Variants in DNAH14 observed in about 807,000 individuals in gnomAD.
DNAH14 encodes axonemal beta dynein heavy chain 14.
DNAH14 carries 478 observed loss-of-function variants against 520.9 expected under a neutral mutation model. The ratio of observed to expected loss-of-function variants is 0.92; its 90% CI spans 0.85 to 0.99. DNAH14 has a LOEUF of 0.99. Ranked by LOEUF, DNAH14 falls within the 50% of genes least tolerant of loss-of-function variation. DNAH14 has a pLI of 0.00. For synonymous variants in DNAH14, 1,581 were observed against 1,757.2 expected (o/e 0.90, Z 2.51); for missense variants, 4,831 against 5,234.5 (o/e 0.92, Z 2.38).
At chr1:225,201,604 G>T (rs2086830359) in intron 38 of DNAH14, among the ~76,000 whole-genome samples, 1 of 152,118 alleles carries the variant, frequency 6.6e-6, no homozygotes, top group Non-Finnish European at 1.5e-5. Context: ...GTGGCTTGCT[G>T]AGAGCCAAGC....
chr1:224,951,644 A>ATTTTTTTT (rs67437504), intron 1 of DNAH14, among the ~76,000 whole-genome samples: 6 of 80,154 alleles, frequency 7.5e-5, no homozygotes, highest in Non-Finnish European at 1.4e-4. Context: ...AGATTTCTGG[A>ATTTTTTTT]TTTTTTTTTT....
intron 52 of DNAH14, among the ~76,000 whole-genome samples, chr1:225,274,197 A>ATTTT (rs869247051): frequency 5.4e-4 from 50 of 92,876 alleles, no homozygotes; most frequent in Non-Finnish European, 6.3e-4. Context: ...AGCATCTGTT[A>ATTTT]TTTTTTTTTT....
intron 37 of DNAH14, among the ~76,000 whole-genome samples, chr1:225,185,658 G>A (rs2084612081): frequency 2.0e-5 from 3 of 151,652 alleles, no homozygotes; most frequent in Admixed American, 2.0e-4. Context: ...CTTAATAAAT[G>A]AACTTTTAAT....
intron 17 of DNAH14, among the ~76,000 whole-genome samples, chr1:225,078,825 C>A (rs7542761): frequency 2.5e-4 from 4 of 15,734 alleles, no homozygotes; most frequent in African/African-American, 3.4e-4. Flanking sequence ...TCTCTCTCTC[C>A]CTCTCTCTCT....
intron 34 of DNAH14, among the ~76,000 whole-genome samples, chr1:225,156,706 A>ATTTTTT (rs1553483258): frequency 1.9e-5 from 2 of 106,766 alleles, no homozygotes; most frequent in African/African-American, 4.1e-5. Flanking sequence ...TCCTCTTAAA[A>ATTTTTT]TTCTTTTTTT....
At chr1:225,122,851 A>G (rs1389902419) in intron 26 of DNAH14, among the ~76,000 whole-genome samples, 3 of 152,208 alleles carry the variant, frequency 2.0e-5, no homozygotes, top group African/African-American at 7.2e-5. Flanking sequence ...CATTTCAAAT[A>G]TTCAAATACA....
intron 21 of DNAH14, among the ~76,000 whole-genome samples, chr1:225,095,933 G>C (rs2074923839): frequency 6.6e-6 from 1 of 152,078 alleles, no homozygotes; most frequent in Non-Finnish European, 1.5e-5. Context: ...TTCACAGGTA[G>C]AACATGTTAA....
chr1:224,981,517 G>C (rs1431557861), intron 8 of DNAH14, among the ~76,000 whole-genome samples: 1 of 151,988 alleles, frequency 6.6e-6, no homozygotes, highest in Admixed American at 6.6e-5. Flanking sequence ...AAGCTAGAAG[G>C]GTTGTATTTT....
chr1:225,197,345 G>T (rs919237631), intron 38 of DNAH14, among the ~76,000 whole-genome samples: 2 of 151,986 alleles, frequency 1.3e-5, no homozygotes, highest in Non-Finnish European at 2.9e-5. Context: ...AATATCAGTT[G>T]ACTGTAAGTA....
At chr1:224,941,436 T>C (rs1419662745) in intron 1 of DNAH14, among the ~76,000 whole-genome samples, 1 of 152,204 alleles carries the variant, frequency 6.6e-6, no homozygotes, top group Non-Finnish European at 1.5e-5. Flanking sequence ...GTCAGATGAG[T>C]AGATTGCAAA....
chr1:224,951,842 G>A (rs565789267), intron 1 of DNAH14, among the ~76,000 whole-genome samples: 1 of 151,842 alleles, frequency 6.6e-6, no homozygotes, highest in Non-Finnish European at 1.5e-5. Flanking sequence ...TAGTAGAGAC[G>A]GGGTTTCACC....
At chr1:225,148,938 CTTTAG>C (rs1459905526) in intron 31 of DNAH14, among the ~76,000 whole-genome samples, 1 of 152,076 alleles carries the variant, frequency 6.6e-6, no homozygotes, top group African/African-American at 2.4e-5. Context: ...TGCAGAAACT[CTTTAG>C]TTTAACTAGA....
At chr1:225,162,552 G>GT in intron 35 of DNAH14, among the ~76,000 whole-genome samples, 1 of 152,086 alleles carries the variant, frequency 6.6e-6, no homozygotes, top group Non-Finnish European at 1.5e-5. Context: ...TTTTAGAATT[G>GT]TTTTTTCTAT....
chr1:224,950,995 T>C (rs2501065), intron 1 of DNAH14, among the ~76,000 whole-genome samples: 14,583 of 152,242 alleles, frequency 0.096, 2,254 homozygotes, highest in African/African-American at 0.33. Flanking sequence ...GCCTTTTGAC[T>C]CACAAAGTCT....
intron 44 of DNAH14, 51 bp downstream of exon 44, chr1:225,252,468 C>A: frequency 1.0e-6 from 1 of 1,004,312 alleles, no homozygotes; most frequent in Non-Finnish European, 1.5e-6. Context: ...ATTGGGTATA[C>A]TCTATTCATA....
At chr1:225,009,075 G>A (rs2064456954) in intron 10 of DNAH14, among the ~76,000 whole-genome samples, 1 of 152,068 alleles carries the variant, frequency 6.6e-6, no homozygotes, top group Non-Finnish European at 1.5e-5. Flanking sequence ...TCACTCTGAT[G>A]GTAGTTTCTT....
At chr1:225,096,955 A>C (rs1157656501) in intron 21 of DNAH14, among the ~76,000 whole-genome samples, 163 bp from the exon 22 acceptor site, 1 of 152,178 alleles carries the variant, frequency 6.6e-6, no homozygotes, top group Non-Finnish European at 1.5e-5. Context: ...CCTCTCCTAA[A>C]ACTAAATACA....
chr1:225,337,374 C>T lies in DNAH14; in HGVS notation c.10189C>T (p.Gln3397Ter), dbSNP rs1251336064. 2.6e-6 allele frequency: 4 copies of T among 1,551,542 alleles called. No homozygotes were observed. In the Admixed American group the frequency reaches 5.9e-5, roughly 23 times the overall value. ...GCCACTGCTGATTGACCCACATAGG[C>T]AAGCTCACAAATGGATCCGTCAGAT... ...QWPLLIDPHR[Q>*]AHKWIRQMEG... The change falls in exon 67 of 86, where the codon CAA becomes TAA. Residue 3397 changes from glutamine (Q) to a stop codon, truncating the protein, a stop_gained. Coordinates refer to ENST00000682510, the MANE Select transcript of DNAH14 (RefSeq NM_001367479.1). LOFTEE classifies it high-confidence loss of function.
At chr1:225,190,630 C>T (rs2085301268) in intron 37 of DNAH14, among the ~76,000 whole-genome samples, 1 of 151,738 alleles carries the variant, frequency 6.6e-6, no homozygotes, top group South Asian at 2.1e-4. Context: ...TACAGCAGGC[C>T]CTAATCCAAT....
Sources: gnomAD v4.1 joint callset for allele counts (sites outside exome capture counted in the v4.1 genomes callset) on GRCh38, gnomAD v4.1.1 for gene constraint, MANE v1.5 for transcripts, NCBI Gene and HGNC (gene_info 2026-07-23, HGNC 2026-07-21) for gene names.